ERCC6L2: variants seen among roughly 807,000 people sequenced by gnomAD.
ERCC6L2 encodes DNA excision repair protein ERCC-6-like 2.
A neutral mutation model predicts 132.0 loss-of-function variants in ERCC6L2; 77 were observed. That is an observed-to-expected ratio of 0.58 (90% confidence interval 0.49 to 0.71). The LOEUF is 0.71. Ranked by LOEUF, ERCC6L2 falls within the 30% of genes least tolerant of loss-of-function variation. The pLI is 0.00. For missense variants in ERCC6L2, 1,542 were observed against 1,837.6 expected, an observed-to-expected ratio of 0.84 and a Z score of 2.94; for synonymous variants, 583 against 632.4, an observed-to-expected ratio of 0.92 and a Z score of 1.17.
Position 96,013,780 on chromosome 9 carries a change from T to C in ERCC6L2, c.*577T>C, listed in dbSNP as rs1304501194. On this transcript the variant is annotated 3_prime_UTR_variant, in exon 19 of 19. Coordinates refer to ENST00000653738, the MANE Select transcript of ERCC6L2 (RefSeq NM_020207.7). ...ACTGAATATATGGTATATATAATAT[T>C]AAAATGGTAATTTTGCAACAGCTCA... 6.6e-6 allele frequency: 1 copy of C among 152,238 alleles called. No homozygotes were observed. The highest frequency in any genetic ancestry group is 1.5e-5 in the Non-Finnish European group (1 of 68,052). 9.4% of individuals were successfully genotyped at this position (152,238 alleles called of 1,614,324 possible). A position where few individuals can be genotyped will look rare whatever the true frequency, so the allele number is the denominator to read the frequency against.
intron 17 of ERCC6L2, among the ~76,000 whole-genome samples, chr9:95,987,002 G>A (rs888790528): frequency 6.6e-6 from 1 of 152,192 alleles, no homozygotes; most frequent in Non-Finnish European, 1.5e-5. Context: ...AGAGAAAGGA[G>A]CAACCCCTTA....
At chr9:95,986,502 T>C (rs2133142306) in intron 17 of ERCC6L2, among the ~76,000 whole-genome samples, 1 of 150,418 alleles carries the variant, frequency 6.6e-6, no homozygotes, top group Middle Eastern at 3.4e-3. Context: ...CTCTCCTTTT[T>C]TTTTTTTTTT....
intron 13 of ERCC6L2, among the ~76,000 whole-genome samples, chr9:95,957,452 T>G (rs530785688): frequency 6.6e-6 from 1 of 152,094 alleles, no homozygotes; most frequent in African/African-American, 2.4e-5. Context: ...TTGAAAATTA[T>G]TTTTTTCTAA....
chr9:95,996,584 A>C (rs1267265191), intron 17 of ERCC6L2, among the ~76,000 whole-genome samples: 1 of 152,238 alleles, frequency 6.6e-6, no homozygotes, highest in Admixed American at 6.5e-5. Context: ...GGACTAGTGC[A>C]GCTGGGGACT....
At chr9:95,960,147 A>C (rs1043303988) in intron 13 of ERCC6L2, among the ~76,000 whole-genome samples, 5 of 152,112 alleles carry the variant, frequency 3.3e-5, no homozygotes, top group African/African-American at 1.2e-4. Context: ...AAATTTTTCT[A>C]ATATTCAGAA....
At chr9:96,031,730 G>A (rs911535525) in intron 19 of ERCC6L2, among the ~76,000 whole-genome samples, 5 of 152,220 alleles carry the variant, frequency 3.3e-5, no homozygotes, top group South Asian at 2.1e-4. Flanking sequence ...CTGAGCCCTC[G>A]TCACTTCCCA....
At chr9:95,956,122 A>C (rs1831588700) in intron 13 of ERCC6L2, 109 bp downstream of exon 13, 1 of 492,442 alleles carries the variant, frequency 2.0e-6, no homozygotes, top group Middle Eastern at 4.1e-4. Flanking sequence ...GTATTGCGGA[A>C]TTTAATAAGA....
At chr9:95,932,916 A>G (rs1411718364) in intron 11 of ERCC6L2, among the ~76,000 whole-genome samples, 4 of 152,226 alleles carry the variant, frequency 2.6e-5, no homozygotes, top group African/African-American at 9.6e-5. Context: ...GCTGTTAACC[A>G]TGTAAGAACA....
intron 12 of ERCC6L2, among the ~76,000 whole-genome samples, chr9:95,946,030 G>A (rs187351550): frequency 2.2e-4 from 33 of 152,050 alleles, no homozygotes; most frequent in African/African-American, 7.7e-4. Flanking sequence ...TCAGGGAGAT[G>A]GTAACAAAAA....
At chr9:96,020,143 C>G (rs148174138), downstream of ERCC6L2, 1,235 of 153,818 alleles carry the variant, frequency 8.0e-3, 10 homozygotes, top group Middle Eastern at 0.041. Context: ...GATCGCGCCA[C>G]TGCACTCCAG....
intron 16 of ERCC6L2, 47 bp from the exon 17 acceptor site, chr9:95,978,014 T>G: frequency 8.3e-7 from 1 of 1,210,124 alleles, no homozygotes; most frequent in Non-Finnish European, 1.1e-6. Context: ...TGGAACCATA[T>G]TGCTTTATAC....
At chr9:95,985,422 T>G (rs746192189) in intron 17 of ERCC6L2, among the ~76,000 whole-genome samples, 6 of 152,212 alleles carry the variant, frequency 3.9e-5, no homozygotes, top group Non-Finnish European at 8.8e-5. Flanking sequence ...CACAAGTTAA[T>G]GTTAAAGTGA....
At chr9:95,938,408 A>G (rs1472868448) in intron 11 of ERCC6L2, among the ~76,000 whole-genome samples, 1 of 152,054 alleles carries the variant, frequency 6.6e-6, no homozygotes, top group Non-Finnish European at 1.5e-5. Context: ...TTTTCTCTCT[A>G]GGAGTTCTAT....
chr9:95,985,699 C>T (rs1833069091), intron 17 of ERCC6L2, among the ~76,000 whole-genome samples: 1 of 152,114 alleles, frequency 6.6e-6, no homozygotes, highest in South Asian at 2.1e-4. Context: ...CTTATTGTGT[C>T]CTTTCCGTAG....
In ERCC6L2 at chr9:96,004,521, C is replaced by A; in HGVS notation, c.3494C>A (p.Thr1165Lys). 7.7e-7 allele frequency: 1 copy of A among 1,297,612 alleles called. No homozygotes were observed. Among genetic ancestry groups the A allele is most frequent in the Non-Finnish European group, 1.0e-6 (1 of 985,926 alleles). 80.4% of individuals were successfully genotyped at this position (1,297,612 alleles called of 1,614,324 possible). A position where few individuals can be genotyped will look rare whatever the true frequency, so the allele number is the denominator to read the frequency against. ...TTTTGTTTCCTTTCTTTTTTTCAGA[C>A]ATATAAAGAAAAAGTGGATGCAGAT... ...PANIAVCSSKTYKEKVDADTL... is the reference protein window; with the variant it reads ...PANIAVCSSKKYKEKVDADTL... Residue 1165 changes from threonine (T) to lysine (K), a missense_variant and splice_region_variant, in exon 18 of 19, where the codon ACA becomes AAA. Physicochemically the swap from Thr to Lys is moderately conservative, Grantham distance 78. Coordinates refer to ENST00000653738, the MANE Select transcript of ERCC6L2 (RefSeq NM_020207.7).
In ERCC6L2 at chr9:95,916,383, C is replaced by A. The variant is rs755709733; in HGVS notation, c.1107C>A (p.Leu369=). 3 of 1,608,534 alleles carry A rather than the reference C, an allele frequency of 1.9e-6. No individual in the cohort carries two copies. The highest frequency in any genetic ancestry group is 2.5e-6 in the Non-Finnish European group (3 of 1,178,466). ...RLAKKMSGWF[L]RRTKTLIKDQ... ...CCAAAAAGATGTCTGGCTGGTTTCT[C>A]AGGCGCACCAAGACTCTTATCAAGG... is the stretch of plus-strand genomic sequence containing the variant. The change falls in exon 6 of 19, where the codon CTC becomes CTA. Residue 369 remains leucine, a synonymous_variant. Transcript: ENST00000653738.
intron 19 of ERCC6L2, among the ~76,000 whole-genome samples, chr9:96,031,844 C>G (rs1053543448): frequency 2.0e-5 from 3 of 152,184 alleles, no homozygotes; most frequent in African/African-American, 7.2e-5. Context: ...TCTGGAAGCC[C>G]TCCTGCTTGC....
chr9:95,878,906 T>C (rs1030421474), intron 1 of ERCC6L2, among the ~76,000 whole-genome samples: 25 of 152,114 alleles, frequency 1.6e-4, no homozygotes, highest in African/African-American at 5.6e-4. Context: ...CAGTCTATCA[T>C]TGTTGGACAT....
downstream of ERCC6L2, among the ~76,000 whole-genome samples, chr9:96,019,120 A>G (rs1834241874): frequency 7.3e-6 from 1 of 136,288 alleles, no homozygotes; most frequent in South Asian, 2.3e-4. Flanking sequence ...ATGTCTGGCA[A>G]CTAAAATTAT....
Sources: allele counts gnomAD v4.1 joint callset (sites outside exome capture counted in the v4.1 genomes callset), GRCh38; gene constraint gnomAD v4.1.1; transcripts MANE v1.5; gene names NCBI Gene and HGNC (gene_info 2026-07-23, HGNC 2026-07-21).